The following PSPH variants were observed in gnomAD, a reference collection of about 807,000 sequenced individuals.
PSPH encodes phosphoserine phosphatase.
In PSPH, 16 loss-of-function variants were observed where a neutral mutation model predicts 23.4. That is an observed-to-expected ratio of 0.68 (90% CI 0.46 to 1.04). PSPH has a LOEUF of 1.04. Among genes scored for constraint, PSPH ranks in the 50% least tolerant of loss-of-function variants. PSPH has a pLI of 0.00. For synonymous variants in PSPH, 68 were observed against 99.7 expected (o/e 0.68, Z 1.89); for missense variants, 223 against 273.7 (o/e 0.81, Z 1.31).
chr7:56,038,291 CAAAAAAA>C (rs34887035), intron 1 of PSPH, among the ~76,000 whole-genome samples: 3 of 127,190 alleles, frequency 2.4e-5, no homozygotes, highest in Non-Finnish European at 3.3e-5. Context: ...ACAAAAAATA[CAAAAAAA>C]AAAAAAAAAA....
chr7:56,047,818 C>T (rs564943987), intron 1 of PSPH, among the ~76,000 whole-genome samples: 5 of 152,190 alleles, frequency 3.3e-5, no homozygotes, highest in Admixed American at 6.5e-5. Context: ...AGGCGTGCAC[C>T]ACCATGCCCA....
chr7:56,021,691 G>A (rs1789484482), intron 3 of PSPH, among the ~76,000 whole-genome samples: 1 of 151,330 alleles, frequency 6.6e-6, no homozygotes, highest in African/African-American at 2.4e-5. Context: ...GCTCAGGCCT[G>A]TAATCCCAGG....
chr7:56,030,578 G>A (rs1464465990), intron 3 of PSPH, among the ~76,000 whole-genome samples: 1 of 152,044 alleles, frequency 6.6e-6, no homozygotes, highest in Non-Finnish European at 1.5e-5. Context: ...GCTAAACTGG[G>A]TACATGAGGA....
chr7:56,049,525 A>G (rs1193576110), intron 1 of PSPH, among the ~76,000 whole-genome samples: 1 of 149,256 alleles, frequency 6.7e-6, no homozygotes, highest in Non-Finnish European at 1.5e-5. Context: ...TGCAATCTCC[A>G]ACTCCCAGGT....
At chr7:56,039,785 A>T (rs1337721654) in intron 1 of PSPH, among the ~76,000 whole-genome samples, 21 of 149,796 alleles carry the variant, frequency 1.4e-4, no homozygotes, top group African/African-American at 5.2e-4. Context: ...AAAAAAAAAA[A>T]AAAAAAAATT....
chr7:56,021,542 C>A (rs1789446333), intron 3 of PSPH, among the ~76,000 whole-genome samples: 1 of 151,650 alleles, frequency 6.6e-6, no homozygotes, highest in South Asian at 2.1e-4. Context: ...CCTCAGCCTC[C>A]TGAGTAGCTC....
chr7:56,046,817 A>G (rs75318917), intron 1 of PSPH, among the ~76,000 whole-genome samples: 3 of 150,596 alleles, frequency 2.0e-5, no homozygotes, highest in Non-Finnish European at 3.0e-5. Context: ...AAAAAAAAAA[A>G]GGGCTAGGAT....
chr7:56,016,854 G>A (rs1788624515), intron 6 of PSPH, among the ~76,000 whole-genome samples: 1 of 152,058 alleles, frequency 6.6e-6, no homozygotes, highest in African/African-American at 2.4e-5. Flanking sequence ...TGAGATTACA[G>A]GCGTGAGCCA....
intron 1 of PSPH, among the ~76,000 whole-genome samples, chr7:56,043,494 A>C (rs1270345421): frequency 6.6e-6 from 1 of 151,490 alleles, no homozygotes; most frequent in Non-Finnish European, 1.5e-5. Flanking sequence ...ATCTCTAAAA[A>C]TAAATAAATA....
intron 3 of PSPH, among the ~76,000 whole-genome samples, chr7:56,029,374 C>T (rs982918856): frequency 5.9e-5 from 9 of 151,804 alleles, no homozygotes; most frequent in Admixed American, 1.3e-4. Flanking sequence ...TTCTCAGATT[C>T]TCAGACACAG....
chr7:56,043,455 C>T (rs575588732), intron 1 of PSPH, among the ~76,000 whole-genome samples: 5 of 152,000 alleles, frequency 3.3e-5, no homozygotes, highest in African/African-American at 1.2e-4. Context: ...GAGTTCAAGG[C>T]TAGCCTCAGC....
intron 1 of PSPH, among the ~76,000 whole-genome samples, chr7:56,047,192 C>G: frequency 6.6e-6 from 1 of 150,904 alleles, no homozygotes; most frequent in Admixed American, 6.6e-5. Context: ...GAAACTCACC[C>G]AGACAACATA....
At chr7:56,050,302 G>A (rs1368041982) in intron 1 of PSPH, among the ~76,000 whole-genome samples, 1 of 152,064 alleles carries the variant, frequency 6.6e-6, no homozygotes, top group Non-Finnish European at 1.5e-5. Context: ...GGTCAGCTCC[G>A]TAGCCCAGGC....
At chr7:56,039,304 G>A (rs1450198421) in intron 1 of PSPH, among the ~76,000 whole-genome samples, 1 of 152,016 alleles carries the variant, frequency 6.6e-6, no homozygotes, top group Non-Finnish European at 1.5e-5. Context: ...TAAAATTCAG[G>A]ACAGTAGTTA....
At chr7:56,028,808 CCTT>C (rs1365343137) in intron 3 of PSPH, among the ~76,000 whole-genome samples, 1 of 151,786 alleles carries the variant, frequency 6.6e-6, no homozygotes, top group Non-Finnish European at 1.5e-5. Flanking sequence ...TTGATTTCCT[CCTT>C]CTTAATTTTT....
At position 56,036,303 on chromosome 7, in the gene PSPH, G is replaced by A. The variant is rs1463208074; in HGVS notation, c.-291-2197C>T. 2.0e-5 allele frequency among the ~76,000 whole-genome samples: 3 copies of A among 152,096 alleles called. No homozygotes were observed. The East Asian group carries it at 5.8e-4, about 29-fold the overall frequency. Reference sequence around the variant, plus strand: ...TTAAACACCAAATGTTTGTATCTAAGTGGTAACAGAATTTATTTTGTTTGA... The same window carrying A: ...TTAAACACCAAATGTTTGTATCTAAATGGTAACAGAATTTATTTTGTTTGA... On this transcript the variant is annotated intron_variant, in intron 1 of 7. Coordinates refer to ENST00000275605, the MANE Select transcript of PSPH (RefSeq NM_004577.4).
At chr7:56,048,697 T>G (rs1793567873) in intron 1 of PSPH, among the ~76,000 whole-genome samples, 2 of 151,940 alleles carry the variant, frequency 1.3e-5, no homozygotes, top group South Asian at 4.1e-4. Context: ...TGCAGTGCTG[T>G]GATTCTGGCT....
At chr7:56,050,972 A>T (rs950678581) in intron 1 of PSPH, among the ~76,000 whole-genome samples, 166 bp downstream of exon 1, 5 of 152,140 alleles carry the variant, frequency 3.3e-5, no homozygotes, top group Non-Finnish European at 7.4e-5. Context: ...TGAACTCAGG[A>T]GTATCACTTG....
intron 1 of PSPH, among the ~76,000 whole-genome samples, chr7:56,044,964 C>T (rs1009808955): frequency 2.7e-5 from 4 of 147,816 alleles, no homozygotes; most frequent in Non-Finnish European, 4.5e-5. Context: ...CCCAGCTACT[C>T]GGGAGGCTGA....
Sources: allele counts gnomAD v4.1 joint callset (sites outside exome capture counted in the v4.1 genomes callset), GRCh38; gene constraint gnomAD v4.1.1; transcripts MANE v1.5; gene names NCBI Gene and HGNC (gene_info 2026-07-23, HGNC 2026-07-21).